The following FGF14 variants were observed in gnomAD, a reference collection of about 807,000 sequenced individuals.
The protein encoded by FGF14 is fibroblast growth factor 14, also known as fibroblast growth factor homologous factor 4.
Under a neutral mutation model 25.5 loss-of-function variants are expected in FGF14, and 5 were observed. That is an observed-to-expected ratio of 0.20 (90% CI 0.10 to 0.41). FGF14 has a LOEUF of 0.41. FGF14 is among the 10% of genes least tolerant of loss of function. The pLI is 1.00. For missense variants in FGF14, 222 were observed against 320.1 expected (o/e 0.69, Z 2.34); for synonymous variants, 138 against 118.3 (o/e 1.17, Z -1.08).
intron 1 of FGF14, among the ~76,000 whole-genome samples, chr13:102,225,124 C>T (rs2050776025): frequency 6.6e-6 from 1 of 152,140 alleles, no homozygotes; most frequent in Non-Finnish European, 1.5e-5. Context: ...AGAGCTCCTC[C>T]TCCTGTGAGT....
chr13:102,049,825 A>T (rs2042143795), intron 1 of FGF14, among the ~76,000 whole-genome samples: 1 of 152,148 alleles, frequency 6.6e-6, no homozygotes. Context: ...TCCACAATCC[A>T]AGGAACAAAA....
intron 1 of FGF14, among the ~76,000 whole-genome samples, chr13:102,385,245 A>C (rs1012812792): frequency 2.6e-5 from 4 of 152,212 alleles, no homozygotes; most frequent in African/African-American, 9.6e-5. Context: ...GCTAGTATAC[A>C]GAAAAATCAT....
chr13:102,279,519 G>T (rs946616647), intron 1 of FGF14, among the ~76,000 whole-genome samples: 4 of 152,020 alleles, frequency 2.6e-5, no homozygotes, highest in Non-Finnish European at 2.9e-5. Context: ...TATATTATTT[G>T]TGTCTATTAC....
intron 1 of FGF14, among the ~76,000 whole-genome samples, chr13:101,996,089 G>T (rs548440151): frequency 6.6e-6 from 1 of 152,214 alleles, no homozygotes; most frequent in African/African-American, 2.4e-5. Context: ...CACATTGTAT[G>T]CTTGTATCAA....
At chr13:102,226,753 T>G (rs1439130128) in intron 1 of FGF14, among the ~76,000 whole-genome samples, 1 of 152,182 alleles carries the variant, frequency 6.6e-6, no homozygotes, top group East Asian at 1.9e-4. Flanking sequence ...TTCTCAAATC[T>G]ATGTCTGCAG....
chr13:102,045,071 G>A (rs1184905363), intron 1 of FGF14, among the ~76,000 whole-genome samples: 1 of 152,164 alleles, frequency 6.6e-6, no homozygotes, highest in African/African-American at 2.4e-5. Context: ...GAGTCTGAGA[G>A]TGTCAATTGA....
At chr13:101,908,999 CCT>C (rs2032587331) in intron 1 of FGF14, among the ~76,000 whole-genome samples, 1 of 152,120 alleles carries the variant, frequency 6.6e-6, no homozygotes, top group Non-Finnish European at 1.5e-5. Context: ...GAAAGGATTC[CCT>C]GTTTAATAAA....
At chr13:102,152,610 G>A (rs1238208446) in intron 1 of FGF14, among the ~76,000 whole-genome samples, 2 of 152,128 alleles carry the variant, frequency 1.3e-5, no homozygotes, top group South Asian at 2.1e-4. Flanking sequence ...TTAGGGGGAC[G>A]CAATTCATCC....
At chr13:102,020,564 A>G (rs1178515019) in intron 1 of FGF14, among the ~76,000 whole-genome samples, 2 of 151,452 alleles carry the variant, frequency 1.3e-5, no homozygotes, top group African/African-American at 4.8e-5. Context: ...AGAAAGAGAG[A>G]GAGAGAAGGA....
intron 1 of FGF14, among the ~76,000 whole-genome samples, chr13:101,984,364 C>T (rs1161494632): frequency 6.6e-6 from 1 of 152,082 alleles, no homozygotes; most frequent in African/African-American, 2.4e-5. Context: ...TAACCACGAA[C>T]ATTAAACAAT....
intron 1 of FGF14, among the ~76,000 whole-genome samples, chr13:102,253,957 T>A (rs1332903385): frequency 6.6e-6 from 1 of 152,152 alleles, no homozygotes. Context: ...CTCCTCTCAA[T>A]AAAGATGAAG....
At chr13:102,182,180 G>A (rs1594310066) in intron 1 of FGF14, among the ~76,000 whole-genome samples, 1 of 152,170 alleles carries the variant, frequency 6.6e-6, no homozygotes, top group East Asian at 1.9e-4. Context: ...AGAGAAATGT[G>A]GCAATAGAAG....
Position 101,882,530 on chromosome 13 carries a change from C to T in FGF14, c.194-7234G>A, listed in dbSNP as rs571780892. On this transcript the variant is annotated intron_variant, in intron 1 of 4. Coordinates refer to ENST00000376143, the MANE Select transcript of FGF14 (RefSeq NM_004115.4). Reference sequence around the variant, plus strand: ...TAGAGCAGTAAACTGGGAACTTTGTCTGAAAAAAATATATTTTCTGTTTTT... The same window carrying T: ...TAGAGCAGTAAACTGGGAACTTTGTTTGAAAAAAATATATTTTCTGTTTTT... Among the ~76,000 whole-genome samples the T allele has an allele frequency of 8.8e-5, 13 of 147,428 alleles. No individual in the cohort carries two copies. In the South Asian group the frequency reaches 1.5e-3, roughly 17 times the overall value.
chr13:102,052,603 T>TA (rs2042261935), intron 1 of FGF14, among the ~76,000 whole-genome samples: 1 of 151,548 alleles, frequency 6.6e-6, no homozygotes, highest in African/African-American at 2.4e-5. Flanking sequence ...AGAAACCTTA[T>TA]AGGCCAGGAA....
chr13:102,083,968 A>G (rs1478040271), intron 1 of FGF14, among the ~76,000 whole-genome samples: 1 of 152,194 alleles, frequency 6.6e-6, no homozygotes, highest in Non-Finnish European at 1.5e-5. Flanking sequence ...AAGGCCCTAT[A>G]AGATTAGTCT....
intron 1 of FGF14, among the ~76,000 whole-genome samples, chr13:101,978,604 T>C (rs1029362745): frequency 6.6e-6 from 1 of 152,210 alleles, no homozygotes; most frequent in African/African-American, 2.4e-5. Flanking sequence ...TAAAATAGGA[T>C]AAGTATAAAA....
chr13:102,101,290 T>C (rs2044652652), intron 1 of FGF14, among the ~76,000 whole-genome samples: 1 of 152,170 alleles, frequency 6.6e-6, no homozygotes, highest in Non-Finnish European at 1.5e-5. Flanking sequence ...TTTGGGAACA[T>C]TATGAAATAT....
intron 1 of FGF14, among the ~76,000 whole-genome samples, chr13:102,221,438 C>T (rs2050605973): frequency 6.6e-6 from 1 of 152,204 alleles, no homozygotes; most frequent in Non-Finnish European, 1.5e-5. Context: ...TTTTCTATCT[C>T]TGCTCCACAG....
At position 102,309,114 on chromosome 13, in the gene FGF14, C is replaced by A. The variant is rs112140462; in HGVS notation, c.208+92357G>T. On this transcript the variant is annotated intron_variant, in intron 1 of 4. Transcript: ENST00000376131. The stretch of plus-strand genomic sequence containing the variant: ...AATGAAAAGTAAACATGCACCCACA[C>A]AAATGCATACATGCATAACATACAC... Among the ~76,000 whole-genome samples the A allele has an allele frequency of 3.4e-3, 453 of 131,704 alleles. 2 individuals carry two copies. The highest frequency in any genetic ancestry group is 0.013 in the African/African-American group (433 of 33,574). The allele number at this position is 131,704 out of a possible 152,430, so 86.4% of individuals were successfully genotyped here. A position where few individuals can be genotyped will look rare whatever the true frequency, so the allele number is the denominator to read the frequency against.
Sources: allele counts gnomAD v4.1 joint callset (sites outside exome capture counted in the v4.1 genomes callset), GRCh38; gene constraint gnomAD v4.1.1; transcripts MANE v1.5; gene names NCBI Gene and HGNC (gene_info 2026-07-23, HGNC 2026-07-21).